The following CACNA2D3 variants were observed in gnomAD, a reference collection of about 807,000 sequenced individuals.
CACNA2D3 encodes calcium voltage-gated channel auxiliary subunit alpha2delta 3.
Under a neutral mutation model 160.6 loss-of-function variants are expected in CACNA2D3, and 60 were observed. The ratio of observed to expected loss-of-function variants is 0.37; its 90% CI spans 0.30 to 0.46. The LOEUF (loss-of-function observed/expected upper bound fraction) is 0.46. Ranked by LOEUF, CACNA2D3 falls within the 20% of genes least tolerant of loss-of-function variation. The pLI, the probability that CACNA2D3 is intolerant of heterozygous loss-of-function variation, is 1.00. For synonymous variants in CACNA2D3, 558 were observed against 492.9 expected, an observed-to-expected ratio of 1.13 and a Z score of -1.75; for missense variants, 1,205 against 1,365.0, an observed-to-expected ratio of 0.88 and a Z score of 1.85.
intron 2 of CACNA2D3, among the ~76,000 whole-genome samples, chr3:54,224,909 C>A (rs529688683): frequency 5.4e-5 from 8 of 148,920 alleles, no homozygotes; most frequent in Non-Finnish European, 1.0e-4. Flanking sequence ...TGCTTAGATT[C>A]CCGAAGCTTC....
chr3:54,642,974 C>T (rs926745883), intron 11 of CACNA2D3, among the ~76,000 whole-genome samples: 2 of 152,106 alleles, frequency 1.3e-5, no homozygotes, highest in Non-Finnish European at 2.9e-5. Context: ...TAACAAGTTT[C>T]TCAGTGGGCA....
chr3:54,483,944 C>T (rs1490137623), intron 4 of CACNA2D3, among the ~76,000 whole-genome samples: 3 of 152,094 alleles, frequency 2.0e-5, no homozygotes, highest in Non-Finnish European at 4.4e-5. Flanking sequence ...GAAAGTTGCC[C>T]GGAGCAACTC....
chr3:54,827,538 G>GT (rs200926677), intron 14 of CACNA2D3, among the ~76,000 whole-genome samples: 287 of 152,134 alleles, frequency 1.9e-3, no homozygotes, highest in Middle Eastern at 3.4e-3. Context: ...ACTAAGCTGT[G>GT]TTTTTTTTAA....
chr3:54,587,818 AATT>A (rs1384387064), intron 9 of CACNA2D3, among the ~76,000 whole-genome samples: 2 of 152,168 alleles, frequency 1.3e-5, no homozygotes, highest in African/African-American at 4.8e-5. Context: ...TTGAGTTGAT[AATT>A]TAAAAGCACC....
At chr3:54,771,514 C>T (rs2107113145) in intron 13 of CACNA2D3, among the ~76,000 whole-genome samples, 1 of 152,288 alleles carries the variant, frequency 6.6e-6, no homozygotes, top group South Asian at 2.1e-4. Flanking sequence ...CCGTATAGGA[C>T]TGAGTTCCCA....
intron 14 of CACNA2D3, among the ~76,000 whole-genome samples, chr3:54,819,702 G>A (rs1156265269): frequency 2.0e-5 from 3 of 152,018 alleles, no homozygotes; most frequent in Non-Finnish European, 1.5e-5. Context: ...AAAATTAGCC[G>A]GGCGTGGTGG....
In CACNA2D3 at chr3:54,562,788, T is replaced by C. The variant is rs9814659; in HGVS notation, c.545-12T>C. On this transcript the variant is annotated splice_polypyrimidine_tract_variant and intron_variant, in intron 5 of 37. Transcript: ENST00000474759. Reference sequence around the variant, plus strand: ...TCTAATACACCCCTCTCTCTCTCTTTCTTTTTTACAGACCCTGCAATTGTC... The same window carrying C: ...TCTAATACACCCCTCTCTCTCTCTTCCTTTTTTACAGACCCTGCAATTGTC... The C allele has an allele frequency of 0.3, 487,401 of 1,603,572 alleles. 77,353 individuals carry two copies. The highest frequency in any genetic ancestry group is 0.35 in the Middle Eastern group (2,096 of 6,040).
intron 9 of CACNA2D3, among the ~76,000 whole-genome samples, chr3:54,625,512 C>T (rs775259758): frequency 4.0e-5 from 6 of 151,848 alleles, no homozygotes; most frequent in Non-Finnish European, 5.9e-5. Context: ...GGCCTAACAC[C>T]AGGCAGGCTT....
chr3:54,324,181 G>A (rs928091660), intron 3 of CACNA2D3, among the ~76,000 whole-genome samples: 7 of 152,150 alleles, frequency 4.6e-5, no homozygotes, highest in African/African-American at 1.4e-4. Flanking sequence ...GTTAAACAAT[G>A]TTGATCTTTT....
intron 14 of CACNA2D3, among the ~76,000 whole-genome samples, chr3:54,828,263 A>T (rs1419720464): frequency 1.3e-5 from 2 of 152,194 alleles, no homozygotes; most frequent in Non-Finnish European, 2.9e-5. Flanking sequence ...GGGGTCAATT[A>T]TGTGTCATGG....
chr3:54,234,147 A>G (rs1701830278), intron 2 of CACNA2D3, among the ~76,000 whole-genome samples: 1 of 152,196 alleles, frequency 6.6e-6, no homozygotes, highest in African/African-American at 2.4e-5. Context: ...ATCTATAAGG[A>G]TCTTAAATTT....
chr3:54,270,442 C>G (rs947385104), intron 2 of CACNA2D3, among the ~76,000 whole-genome samples: 1 of 152,186 alleles, frequency 6.6e-6, no homozygotes, highest in Admixed American at 6.5e-5. Flanking sequence ...TGCCACCATT[C>G]AACAAGATGT....
intron 2 of CACNA2D3, among the ~76,000 whole-genome samples, chr3:54,286,122 A>G (rs1198523480): frequency 6.6e-6 from 1 of 152,212 alleles, no homozygotes; most frequent in Non-Finnish European, 1.5e-5. Flanking sequence ...CAGACGATCA[A>G]ACTACTCCGA....
At position 54,676,122 on chromosome 3, in the gene CACNA2D3, AGTT is replaced by A. The variant is rs1453903813; in HGVS notation, c.1167+33887_1167+33889del. Among the ~76,000 whole-genome samples the A allele has an allele frequency of 2.6e-5, 4 of 152,128 alleles. No homozygotes were observed. In the East Asian group the frequency reaches 7.7e-4, roughly 29 times the overall value. On this transcript the variant is annotated intron_variant, in intron 11 of 37. Transcript: ENST00000474759. Reference sequence around the variant, plus strand: ...GTCTTTAGTAACATCAACCACGCACAGTTGTTGTGGGAATCATGCATTAACACA... The same window carrying A: ...GTCTTTAGTAACATCAACCACGCACAGTTGTGGGAATCATGCATTAACACA...
chr3:54,143,613 C>T (rs1699974643), intron 2 of CACNA2D3, among the ~76,000 whole-genome samples: 1 of 152,154 alleles, frequency 6.6e-6, no homozygotes, highest in African/African-American at 2.4e-5. Flanking sequence ...CATTCTCCTG[C>T]CTCAGCCTCC....
At chr3:54,416,849 T>C (rs1024241306) in intron 4 of CACNA2D3, among the ~76,000 whole-genome samples, 2 of 152,226 alleles carry the variant, frequency 1.3e-5, no homozygotes, top group East Asian at 1.9e-4. Flanking sequence ...TTAATACTTA[T>C]AAGGTTATTA....
chr3:54,641,831 T>A (rs1184683403), intron 10 of CACNA2D3, among the ~76,000 whole-genome samples: 1 of 152,214 alleles, frequency 6.6e-6, no homozygotes, highest in Non-Finnish European at 1.5e-5. Flanking sequence ...CTTCCCCCAC[T>A]TCCTGGCATG....
chr3:54,908,666 G>A (rs1575363533), intron 27 of CACNA2D3, among the ~76,000 whole-genome samples: 1 of 152,278 alleles, frequency 6.6e-6, no homozygotes, highest in East Asian at 1.9e-4. Flanking sequence ...GCAGTGAGCC[G>A]AGATCATGCC....
At chr3:54,146,373 G>A (rs1478983571) in intron 2 of CACNA2D3, among the ~76,000 whole-genome samples, 8 of 152,224 alleles carry the variant, frequency 5.3e-5, no homozygotes, top group Non-Finnish European at 1.0e-4. Context: ...GTACATCCAC[G>A]GATAGTGGGG....
Sources: gnomAD v4.1 joint callset for allele counts (sites outside exome capture counted in the v4.1 genomes callset) on GRCh38, gnomAD v4.1.1 for gene constraint, MANE v1.5 for transcripts, NCBI Gene and HGNC (gene_info 2026-07-23, HGNC 2026-07-21) for gene names.